ZDHHC15: variants seen among roughly 807,000 people sequenced by gnomAD.
ZDHHC15 encodes zDHHC palmitoyltransferase 15.
In ZDHHC15, 19 loss-of-function variants were observed where a neutral mutation model predicts 31.7. That is an observed-to-expected ratio of 0.60 (90% CI 0.42 to 0.88). The LOEUF is 0.88. Ranked by LOEUF, ZDHHC15 falls within the 40% of genes least tolerant of loss-of-function variation. ZDHHC15 has a pLI of 0.00. For synonymous variants in ZDHHC15, 103 were observed against 90.0 expected (o/e 1.14, Z -0.82); for missense variants, 209 against 251.2 (o/e 0.83, Z 1.14).
chrX:75,509,431 C>T (rs1009613846), intron 1 of ZDHHC15, among the ~76,000 whole-genome samples: 15 of 111,928 alleles, frequency 1.3e-4, no homozygotes, highest in African/African-American at 4.9e-4. Context: ...TGTTTAATAG[C>T]CACATGTGGC....
chrX:75,447,049 A>T (rs1408981385), intron 4 of ZDHHC15, among the ~76,000 whole-genome samples: 1 of 111,994 alleles, frequency 8.9e-6, no homozygotes, highest in Non-Finnish European at 1.9e-5. Context: ...TCATGAACAA[A>T]GTGGCCATGG....
intron 10 of ZDHHC15, among the ~76,000 whole-genome samples, chrX:75,396,213 C>A (rs184532716): frequency 7.2e-5 from 8 of 111,455 alleles, no homozygotes; most frequent in African/African-American, 2.6e-4. Context: ...AAAGACAAAC[C>A]ACAGAATGGG....
At chrX:75,417,971 T>C (rs1175451723) in intron 9 of ZDHHC15, among the ~76,000 whole-genome samples, 1 of 112,275 alleles carries the variant, frequency 8.9e-6, no homozygotes, top group African/African-American at 3.2e-5. Context: ...ATTTGACAGA[T>C]TTTATTGATA....
At chrX:75,510,361 T>C (rs1037274266) in intron 1 of ZDHHC15, among the ~76,000 whole-genome samples, 2 of 110,350 alleles carry the variant, frequency 1.8e-5, no homozygotes, top group African/African-American at 6.6e-5. Context: ...CATTTAACTG[T>C]TTGTCATATG....
chrX:75,488,959 C>T (rs781583021), intron 2 of ZDHHC15, among the ~76,000 whole-genome samples: 42 of 112,021 alleles, frequency 3.7e-4, no homozygotes, highest in Non-Finnish European at 7.0e-4. Flanking sequence ...ATATCCCACG[C>T]CTGGTTCGGA....
intron 3 of ZDHHC15, among the ~76,000 whole-genome samples, chrX:75,474,524 A>G (rs115991754): frequency 0.059 from 840 of 14,149 alleles, 8 homozygotes; most frequent in Non-Finnish European, 0.09. Context: ...ATATGTGTGT[A>G]TATATATATA....
At chrX:75,470,293 CT>C (rs2084483693) in intron 3 of ZDHHC15, among the ~76,000 whole-genome samples, 1 of 111,822 alleles carries the variant, frequency 8.9e-6, no homozygotes, top group African/African-American at 3.3e-5. Context: ...ACTCCAAGTT[CT>C]TCAGTTTTGG....
intron 10 of ZDHHC15, among the ~76,000 whole-genome samples, chrX:75,407,395 G>A (rs1210818331): frequency 9.1e-6 from 1 of 109,577 alleles, no homozygotes; most frequent in Admixed American, 9.4e-5. Context: ...TCCAGGAGGT[G>A]GGGGGCAGCC....
At chrX:75,423,681 G>C (rs915755238) in intron 8 of ZDHHC15, among the ~76,000 whole-genome samples, 9 of 105,190 alleles carry the variant, frequency 8.6e-5, no homozygotes, top group African/African-American at 3.1e-4. Context: ...TGTAGAGATG[G>C]GGTTTTGTTA....
At chrX:75,509,249 GA>G (rs1213660592) in intron 1 of ZDHHC15, among the ~76,000 whole-genome samples, 6 of 111,745 alleles carry the variant, frequency 5.4e-5, no homozygotes, top group Non-Finnish European at 1.1e-4. Flanking sequence ...CAGAATGGGA[GA>G]AAATTTTTGC....
chrX:75,464,982 G>A (rs899105615), intron 3 of ZDHHC15, among the ~76,000 whole-genome samples: 4 of 111,751 alleles, frequency 3.6e-5, no homozygotes, highest in Non-Finnish European at 7.5e-5. Flanking sequence ...AAGAAATAAA[G>A]GGCATTCAAA....
At chrX:75,420,163 C>T (rs1277438841) in intron 9 of ZDHHC15, among the ~76,000 whole-genome samples, 16 of 110,667 alleles carry the variant, frequency 1.4e-4, no homozygotes, top group Non-Finnish European at 2.7e-4. Context: ...CAGACACTTC[C>T]CAAAATAAGA....
In ZDHHC15 at chrX:75,450,942, G is replaced by A. The variant is rs2084107369; in HGVS notation, c.259-20C>T. 1 of 1,194,331 alleles carries A rather than the reference G, an allele frequency of 8.4e-7. No individual in the cohort carries two copies. The highest frequency in any genetic ancestry group is 1.1e-6 in the Non-Finnish European group (1 of 886,527). ...GTGGAACTGGAAGCAGGAGTGAAAGGTAAGACTTTATTATCTAAAGTTAAT... is the reference window on the plus strand; with the variant it reads ...GTGGAACTGGAAGCAGGAGTGAAAGATAAGACTTTATTATCTAAAGTTAAT... On this transcript the variant is annotated intron_variant, in intron 3 of 11. Coordinates refer to ENST00000373367, the MANE Select transcript of ZDHHC15 (RefSeq NM_144969.3).
chrX:75,378,998 G>A lies in ZDHHC15; in HGVS notation c.*32+122C>T, dbSNP rs1028188442. On this transcript the variant is annotated intron_variant, in intron 11 of 11. Coordinates refer to ENST00000373367, the MANE Select transcript of ZDHHC15 (RefSeq NM_144969.3). ...ACTTCTGCTTATGCATGCATTACAA[G>A]AGTGAAGAATTTAAAATCTTTTTCA... The A allele has an allele frequency of 3.3e-5, 17 of 510,582 alleles. No homozygotes were observed. The African/African-American group carries it at 3.6e-4, about 11-fold the overall frequency. 42.1% of individuals were successfully genotyped at this position (510,582 alleles called of 1,213,427 possible).
intron 10 of ZDHHC15, among the ~76,000 whole-genome samples, chrX:75,396,605 G>C (rs1486280655): frequency 9.0e-6 from 1 of 111,604 alleles, no homozygotes; most frequent in Non-Finnish European, 1.9e-5. Context: ...ACTAAAAATA[G>C]AGCTAACATA....
At chrX:75,486,474 T>C (rs1385104858) in intron 2 of ZDHHC15, among the ~76,000 whole-genome samples, 3 of 112,031 alleles carry the variant, frequency 2.7e-5, no homozygotes, top group East Asian at 5.7e-4. Context: ...GGGGAAGTGA[T>C]CAGAAAGCTC....
intron 10 of ZDHHC15, among the ~76,000 whole-genome samples, chrX:75,405,947 T>C (rs1407072708): frequency 8.9e-6 from 1 of 112,028 alleles, no homozygotes; most frequent in Non-Finnish European, 1.9e-5. Flanking sequence ...TTCTAAAAAG[T>C]AGAAATCATA....
rs1457120954 is a variant in ZDHHC15 at position 75,369,494 on chromosome X, C to T, written c.*3484G>A. The stretch of plus-strand genomic sequence containing the variant: ...TGTATAATATTCAGTATTCTTAAAA[C>T]TTACTTGCTAGGATTGTGCTTAAAT... On this transcript the variant is annotated 3_prime_UTR_variant, in exon 12 of 12. Coordinates refer to ENST00000373367, the MANE Select transcript of ZDHHC15 (RefSeq NM_144969.3). The T allele has an allele frequency of 9.0e-6, 1 of 111,608 alleles. No homozygotes were observed. The highest frequency in any genetic ancestry group is 1.9e-5 in the Non-Finnish European group (1 of 53,140). 9.2% of individuals were successfully genotyped at this position (111,608 alleles called of 1,213,427 possible).
chrX:75,481,642 T>C (rs142479786), intron 2 of ZDHHC15, among the ~76,000 whole-genome samples: 1 of 111,816 alleles, frequency 8.9e-6, no homozygotes, highest in Non-Finnish European at 1.9e-5. Context: ...ACCATAGAGA[T>C]CATTTGGTTC....
Sources: allele counts gnomAD v4.1 joint callset (sites outside exome capture counted in the v4.1 genomes callset), GRCh38; gene constraint gnomAD v4.1.1; transcripts MANE v1.5; gene names NCBI Gene and HGNC (gene_info 2026-07-23, HGNC 2026-07-21).